NXPH1: variants seen among roughly 807,000 people sequenced by gnomAD.
NXPH1 encodes the protein neurexophilin-1.
In NXPH1, 5 loss-of-function variants were observed where a neutral mutation model predicts 23.7. The observed-to-expected ratio is 0.21, with a 90% CI of 0.11 to 0.44. The LOEUF is 0.44. Ranked by LOEUF, NXPH1 falls within the 20% of genes least tolerant of loss-of-function variation. The pLI, the probability that NXPH1 is intolerant of heterozygous loss-of-function variation, is 0.99. For missense variants in NXPH1, 324 were observed against 321.6 expected, an observed-to-expected ratio of 1.01 and a Z score of -0.06; for synonymous variants, 144 against 122.2, an observed-to-expected ratio of 1.18 and a Z score of -1.18.
chr7:8,500,803 T>G (rs1315392774), intron 2 of NXPH1, among the ~76,000 whole-genome samples: 1 of 152,088 alleles, frequency 6.6e-6, no homozygotes, highest in Non-Finnish European at 1.5e-5. Context: ...TTTCACAGTG[T>G]TACACGATTT....
intron 2 of NXPH1, among the ~76,000 whole-genome samples, chr7:8,710,710 C>T (rs1779778199): frequency 1.1e-5 from 1 of 90,312 alleles, no homozygotes; most frequent in Non-Finnish European, 1.8e-5. Context: ...GGCCGGACTG[C>T]GGACTGCAGT....
chr7:8,538,461 G>T (rs1818063059), intron 2 of NXPH1, among the ~76,000 whole-genome samples: 1 of 151,870 alleles, frequency 6.6e-6, no homozygotes, highest in Non-Finnish European at 1.5e-5. Context: ...CACTGGGTAA[G>T]TTACTGAATG....
intron 2 of NXPH1, among the ~76,000 whole-genome samples, chr7:8,623,283 T>C (rs1024164671): frequency 2.6e-5 from 4 of 152,058 alleles, no homozygotes; most frequent in African/African-American, 7.2e-5. Flanking sequence ...TCATTTGTTA[T>C]AGAAAATACT....
At chr7:8,469,125 A>C (rs941061256) in intron 2 of NXPH1, among the ~76,000 whole-genome samples, 1 of 152,020 alleles carries the variant, frequency 6.6e-6, no homozygotes, top group Non-Finnish European at 1.5e-5. Context: ...AAAGGATGTC[A>C]ATTTTCTTAG....
At chr7:8,511,713 C>T (rs79739156) in intron 2 of NXPH1, among the ~76,000 whole-genome samples, 4,662 of 152,200 alleles carry the variant, frequency 0.031, 210 homozygotes, top group African/African-American at 0.1. Flanking sequence ...CAGTATACTA[C>T]AGCAAATAAC....
chr7:8,497,063 C>T (rs1016236362), intron 2 of NXPH1, among the ~76,000 whole-genome samples: 6 of 152,076 alleles, frequency 3.9e-5, no homozygotes, highest in Non-Finnish European at 7.4e-5. Flanking sequence ...ACCCTGTGTC[C>T]GAGTGTTCTC....
chr7:8,703,968 G>C (rs1185153591), intron 2 of NXPH1, among the ~76,000 whole-genome samples: 1 of 152,094 alleles, frequency 6.6e-6, no homozygotes, highest in African/African-American at 2.4e-5. Context: ...GAGGAAGAAT[G>C]AAGTCTGACC....
intron 2 of NXPH1, among the ~76,000 whole-genome samples, chr7:8,598,951 A>G (rs1175046089): frequency 2.0e-5 from 3 of 152,106 alleles, no homozygotes; most frequent in Non-Finnish European, 2.9e-5. Flanking sequence ...AGACATTTCA[A>G]TTTGTTCATT....
intron 2 of NXPH1, among the ~76,000 whole-genome samples, chr7:8,658,659 C>G (rs1035549352): frequency 6.6e-6 from 1 of 152,072 alleles, no homozygotes; most frequent in South Asian, 2.1e-4. Flanking sequence ...TTCCTGGTTC[C>G]CATATCACAG....
rs541650444 is a variant in NXPH1, at chr7:8,615,201, T to C, written c.55-135807T>C. 1.4e-4 allele frequency among the ~76,000 whole-genome samples: 22 copies of C among 152,124 alleles called. No individual in the cohort carries two copies. In the East Asian group the frequency reaches 4.3e-3, roughly 29 times the overall value. On this transcript the variant is annotated intron_variant, in intron 2 of 2. Coordinates refer to ENST00000405863, the MANE Select transcript of NXPH1 (RefSeq NM_152745.3). ...CCTGCTATTTGTTTGACACAATGGG[T>C]TTTCAGGAATGGGATTGCGGGAGCT...
chr7:8,696,075 T>A (rs886142859), intron 2 of NXPH1, among the ~76,000 whole-genome samples: 3 of 152,262 alleles, frequency 2.0e-5, no homozygotes, highest in African/African-American at 7.2e-5. Context: ...TGTATATTCT[T>A]ATCTCTGATA....
intron 2 of NXPH1, among the ~76,000 whole-genome samples, chr7:8,547,339 T>C (rs1818212560): frequency 6.6e-6 from 1 of 151,428 alleles, no homozygotes; most frequent in South Asian, 2.1e-4. Flanking sequence ...CTTAAAGGGT[T>C]CCAGATAAGT....
At chr7:8,440,413 T>C (rs1816278001) in intron 2 of NXPH1, among the ~76,000 whole-genome samples, 1 of 152,228 alleles carries the variant, frequency 6.6e-6, no homozygotes, top group African/African-American at 2.4e-5. Flanking sequence ...TTCTCAGCGG[T>C]ATTTTTTCGG....
At chr7:8,480,868 A>G (rs1179234193) in intron 2 of NXPH1, among the ~76,000 whole-genome samples, 1 of 152,204 alleles carries the variant, frequency 6.6e-6, no homozygotes, top group Non-Finnish European at 1.5e-5. Flanking sequence ...GTTTGCAATC[A>G]TGGTCCACAC....
intron 2 of NXPH1, among the ~76,000 whole-genome samples, chr7:8,441,576 C>T (rs1816299776): frequency 6.6e-6 from 1 of 152,190 alleles, no homozygotes; most frequent in South Asian, 2.1e-4. Context: ...AATGAAAGTG[C>T]TCCCCAGATG....
At chr7:8,555,950 G>A (rs1425967820) in intron 2 of NXPH1, among the ~76,000 whole-genome samples, 1 of 151,668 alleles carries the variant, frequency 6.6e-6, no homozygotes, top group Non-Finnish European at 1.5e-5. Flanking sequence ...ATCTAGTTTA[G>A]ACAGTATAAT....
intron 2 of NXPH1, among the ~76,000 whole-genome samples, chr7:8,742,385 A>C (rs1479466357): frequency 6.6e-6 from 1 of 152,184 alleles, no homozygotes; most frequent in African/African-American, 2.4e-5. Context: ...AAACAATGTA[A>C]TAATTAAGGA....
chr7:8,701,483 G>C (rs911132125), intron 2 of NXPH1, among the ~76,000 whole-genome samples: 7 of 151,940 alleles, frequency 4.6e-5, no homozygotes, highest in African/African-American at 1.7e-4. Context: ...CCAATATGTT[G>C]ATTTCTTTCA....
chr7:8,563,909 C>T (rs1397118908), intron 2 of NXPH1, among the ~76,000 whole-genome samples: 5 of 151,766 alleles, frequency 3.3e-5, no homozygotes, highest in Non-Finnish European at 7.4e-5. Flanking sequence ...GCAAAACAAA[C>T]AGCCACAAAA....
Sources: gnomAD v4.1 joint callset for allele counts (sites outside exome capture counted in the v4.1 genomes callset) on GRCh38, gnomAD v4.1.1 for gene constraint, MANE v1.5 for transcripts, NCBI Gene and HGNC (gene_info 2026-07-23, HGNC 2026-07-21) for gene names.